The following ATRNL1 variants were observed in gnomAD, a reference collection of about 807,000 sequenced individuals.
The protein encoded by ATRNL1 is attractin like 1, also known as attractin-like protein 1.
Under a neutral mutation model 182.7 loss-of-function variants are expected in ATRNL1, and 95 were observed. The ratio of observed to expected loss-of-function variants is 0.52; its 90% CI spans 0.44 to 0.62. The LOEUF (loss-of-function observed/expected upper bound fraction) is 0.62, where lower values mean the gene tolerates loss of function less well. Ranked by LOEUF, ATRNL1 falls within the 20% of genes least tolerant of loss-of-function variation. ATRNL1 has a pLI of 0.00. For missense variants in ATRNL1, 1,471 were observed against 1,679.5 expected (o/e 0.88, Z 2.17); for synonymous variants, 576 against 568.3 (o/e 1.01, Z -0.19).
intron 20 of ATRNL1, among the ~76,000 whole-genome samples, chr10:115,396,776 G>A (rs1200569452): frequency 6.6e-6 from 1 of 151,734 alleles, no homozygotes; most frequent in Non-Finnish European, 1.5e-5. Flanking sequence ...ATACAGTATT[G>A]CAGTAACATA....
At chr10:115,910,382 C>T (rs1014288039) in intron 28 of ATRNL1, among the ~76,000 whole-genome samples, 8 of 152,164 alleles carry the variant, frequency 5.3e-5, no homozygotes, top group African/African-American at 1.9e-4. Context: ...CAACACCTGT[C>T]TCCCCATCGG....
chr10:115,308,324 T>G (rs1853838187), intron 17 of ATRNL1, among the ~76,000 whole-genome samples: 1 of 152,088 alleles, frequency 6.6e-6, no homozygotes, highest in Non-Finnish European at 1.5e-5. Context: ...TCCAGGGCAA[T>G]GTTTAAAGAA....
rs557344495 is a variant in ATRNL1, at chr10:115,462,385, G to A, written c.3417+350G>A. On this transcript the variant is annotated intron_variant, in intron 22 of 28. Coordinates refer to ENST00000355044, the MANE Select transcript of ATRNL1 (RefSeq NM_207303.4). ...TCCCAGCACTTTGGGAGGCCAAGGCGGGCAGATCATGATGCCCAGAGATCG... is the reference window on the plus strand; with the variant it reads ...TCCCAGCACTTTGGGAGGCCAAGGCAGGCAGATCATGATGCCCAGAGATCG... Among the ~76,000 whole-genome samples the A allele has an allele frequency of 4.6e-5, 7 of 152,162 alleles. No homozygotes were observed. In the East Asian group the frequency reaches 7.7e-4, roughly 17 times the overall value.
At chr10:115,332,026 C>G (rs1301281037) in intron 18 of ATRNL1, among the ~76,000 whole-genome samples, 1 of 152,180 alleles carries the variant, frequency 6.6e-6, no homozygotes, top group Non-Finnish European at 1.5e-5. Context: ...TAGCCCTACT[C>G]TTTCTTTTTT....
intron 28 of ATRNL1, among the ~76,000 whole-genome samples, chr10:115,896,665 C>T (rs1952216324): frequency 6.6e-6 from 1 of 151,900 alleles, no homozygotes; most frequent in Admixed American, 6.6e-5. Flanking sequence ...AAAAAGAATA[C>T]AGAAATAGAT....
chr10:115,353,095 G>C (rs567431294), intron 19 of ATRNL1, among the ~76,000 whole-genome samples: 16 of 152,146 alleles, frequency 1.1e-4, no homozygotes, highest in Non-Finnish European at 1.8e-4. Flanking sequence ...GGTCTGTAGT[G>C]CATATTAAGT....
At chr10:115,299,894 C>G (rs1282229294) in intron 15 of ATRNL1, 140 bp from the exon 16 acceptor site, 5 of 577,372 alleles carry the variant, frequency 8.7e-6, no homozygotes, top group African/African-American at 5.6e-5. Flanking sequence ...GTTAATTATT[C>G]TTAGTACTAA....
At chr10:115,349,873 A>G (rs1399551879) in intron 19 of ATRNL1, among the ~76,000 whole-genome samples, 1 of 152,094 alleles carries the variant, frequency 6.6e-6, no homozygotes, top group African/African-American at 2.4e-5. Context: ...CATATGAGCT[A>G]TTTGCAAATA....
At chr10:115,731,459 C>T (rs141949344) in intron 27 of ATRNL1, among the ~76,000 whole-genome samples, 36 of 152,074 alleles carry the variant, frequency 2.4e-4, no homozygotes, top group Non-Finnish European at 4.4e-4. Flanking sequence ...TCACTCAGTT[C>T]TCTTAATAAC....
intron 17 of ATRNL1, among the ~76,000 whole-genome samples, chr10:115,311,007 C>T (rs1853992724): frequency 6.6e-6 from 1 of 152,046 alleles, no homozygotes; most frequent in African/African-American, 2.4e-5. Context: ...TAACTTATGT[C>T]ACAGTTATTG....
At chr10:115,638,315 A>G (rs1555029023) in intron 26 of ATRNL1, among the ~76,000 whole-genome samples, 1 of 152,176 alleles carries the variant, frequency 6.6e-6, no homozygotes, top group African/African-American at 2.4e-5. Flanking sequence ...TATATAGCCT[A>G]ATATACTCCA....
At chr10:115,232,724 G>T (rs1554900309) in intron 9 of ATRNL1, among the ~76,000 whole-genome samples, 4 of 151,844 alleles carry the variant, frequency 2.6e-5, no homozygotes, top group Admixed American at 2.6e-4. Flanking sequence ...TGCACAACCA[G>T]AACTATAAAT....
intron 25 of ATRNL1, among the ~76,000 whole-genome samples, chr10:115,542,158 T>C (rs548438033): frequency 6.6e-6 from 1 of 152,240 alleles, no homozygotes; most frequent in Non-Finnish European, 1.5e-5. Context: ...TATTAGTCTT[T>C]CTAATATGCC....
chr10:115,903,838 G>T (rs1952425377), intron 28 of ATRNL1, among the ~76,000 whole-genome samples: 1 of 152,170 alleles, frequency 6.6e-6, no homozygotes, highest in South Asian at 2.1e-4. Flanking sequence ...GTGGCAAGGA[G>T]ATCCCATAAG....
chr10:115,559,443 T>TGTGTGCACGC (rs200694810), intron 26 of ATRNL1, among the ~76,000 whole-genome samples: 2 of 77,788 alleles, frequency 2.6e-5, no homozygotes, highest in Non-Finnish European at 6.5e-5. Flanking sequence ...TGTGTGTGTG[T>TGTGTGCACGC]GCGCGCGCGC....
intron 1 of ATRNL1, among the ~76,000 whole-genome samples, chr10:115,097,743 G>A (rs1476782824): frequency 6.6e-6 from 1 of 152,112 alleles, no homozygotes; most frequent in African/African-American, 2.4e-5. Context: ...AGCTAACACA[G>A]TGAAACCCCG....
chr10:115,351,206 CT>C (rs1211774620), intron 19 of ATRNL1, among the ~76,000 whole-genome samples: 5 of 152,028 alleles, frequency 3.3e-5, no homozygotes, highest in Non-Finnish European at 5.9e-5. Context: ...GATAATTTTA[CT>C]TTCTCCTTTC....
At chr10:115,361,070 A>G (rs1430025746) in intron 19 of ATRNL1, among the ~76,000 whole-genome samples, 3 of 151,930 alleles carry the variant, frequency 2.0e-5, no homozygotes, top group Non-Finnish European at 4.4e-5. Flanking sequence ...GTGCTATTTT[A>G]TCCTTTACAA....
At chr10:115,388,658 ATTAT>A (rs1201775841) in intron 19 of ATRNL1, among the ~76,000 whole-genome samples, 1 of 151,968 alleles carries the variant, frequency 6.6e-6, no homozygotes, top group African/African-American at 2.4e-5. Flanking sequence ...ATATATACAC[ATTAT>A]TTATAATGTG....
Sources: gnomAD v4.1 joint callset for allele counts (sites outside exome capture counted in the v4.1 genomes callset) on GRCh38, gnomAD v4.1.1 for gene constraint, MANE v1.5 for transcripts, NCBI Gene and HGNC (gene_info 2026-07-23, HGNC 2026-07-21) for gene names.